The following FAM193A variants were observed in gnomAD, a reference collection of about 807,000 sequenced individuals.
FAM193A encodes the protein protein FAM193A.
FAM193A carries 22 observed loss-of-function variants against 126.5 expected under a neutral mutation model. The ratio of observed to expected loss-of-function variants is 0.17; its 90% CI spans 0.12 to 0.25. FAM193A has a LOEUF of 0.25. Ranked by LOEUF, FAM193A falls within the 10% of genes least tolerant of loss-of-function variation. The pLI is 1.00. For missense variants in FAM193A, 1,675 were observed against 1,672.8 expected (o/e 1.00, Z -0.02); for synonymous variants, 761 against 646.8 (o/e 1.18, Z -2.68).
chr4:2,623,898 T>C (rs3762834), intron 2 of FAM193A, among the ~76,000 whole-genome samples: 121,942 of 152,050 alleles, frequency 0.8, 49,022 homozygotes, highest in Admixed American at 0.87. Flanking sequence ...GTCAGGGGGA[T>C]GCAATGATTA....
chr4:2,569,262 C>T (rs1487838203), intron 1 of FAM193A, among the ~76,000 whole-genome samples: 1 of 152,120 alleles, frequency 6.6e-6, no homozygotes, highest in East Asian at 1.9e-4. Context: ...CCACTGCGCC[C>T]GGTCCAGATT....
intron 7 of FAM193A, among the ~76,000 whole-genome samples, chr4:2,655,447 C>CTGTG (rs374208792): frequency 8.7e-5 from 13 of 148,950 alleles, no homozygotes; most frequent in South Asian, 8.5e-4. Flanking sequence ...GCGTGTGCGC[C>CTGTG]TGTGTGTGTG....
At chr4:2,690,637 T>A (rs776752478) in intron 14 of FAM193A, 61 bp from the exon 15 acceptor site, 9 of 1,487,908 alleles carry the variant, frequency 6.0e-6, no homozygotes, top group Non-Finnish European at 8.2e-6. Flanking sequence ...AGCATGTCTT[T>A]TAGGGTTTAG....
chr4:2,649,792 C>A (rs889831860), intron 7 of FAM193A, among the ~76,000 whole-genome samples: 5 of 152,220 alleles, frequency 3.3e-5, no homozygotes, highest in Non-Finnish European at 5.9e-5. Context: ...GGGTCACAGA[C>A]CAGTACTAGT....
intron 1 of FAM193A, among the ~76,000 whole-genome samples, chr4:2,569,439 G>C (rs1266300078): frequency 6.6e-6 from 1 of 152,116 alleles, no homozygotes; most frequent in Non-Finnish European, 1.5e-5. Context: ...TTATTTTATT[G>C]TCATATTTAA....
chr4:2,676,277 A>G (rs71608223), intron 13 of FAM193A, among the ~76,000 whole-genome samples: 5,591 of 152,288 alleles, frequency 0.037, 123 homozygotes, highest in South Asian at 0.072. Context: ...CATCCTCATT[A>G]ACACTTGTTA....
chr4:2,646,159 C>CTTTTTT (rs568447182), intron 6 of FAM193A, among the ~76,000 whole-genome samples: 4 of 69,120 alleles, frequency 5.8e-5, no homozygotes, highest in East Asian at 4.5e-4. Flanking sequence ...TGAGCATCTC[C>CTTTTTT]TTTTTTTTTT....
intron 20 of FAM193A, 64 bp downstream of exon 20, chr4:2,716,168 C>T (rs1719509756): frequency 9.1e-7 from 1 of 1,102,632 alleles, no homozygotes; most frequent in Non-Finnish European, 1.4e-6. Context: ...GTTTGGTTTT[C>T]TGTCTTTCCA....
intron 19 of FAM193A, among the ~76,000 whole-genome samples, chr4:2,703,637 A>T (rs1003939749): frequency 6.6e-6 from 1 of 151,984 alleles, no homozygotes; most frequent in Non-Finnish European, 1.5e-5. Flanking sequence ...GTTTCCTTGG[A>T]GCACTTTCCC....
At chr4:2,541,106 A>G (rs971995902) in intron 1 of FAM193A, among the ~76,000 whole-genome samples, 12 of 152,052 alleles carry the variant, frequency 7.9e-5, no homozygotes, top group Non-Finnish European at 1.5e-4. Flanking sequence ...CCCTGTCTCT[A>G]CTAAAAATAC....
chr4:2,555,140 A>T (rs1407474552), intron 1 of FAM193A, among the ~76,000 whole-genome samples: 1 of 152,114 alleles, frequency 6.6e-6, no homozygotes, highest in African/African-American at 2.4e-5. Context: ...TTTGCATTGT[A>T]TTTGATAAAG....
Position 2,700,045 on chromosome 4 carries a change from G to A in FAM193A, c.3873G>A (p.Gly1291=), listed in dbSNP as rs1407445102. The change falls in exon 19 of 21, where the codon GGG becomes GGA. Residue 1291 remains glycine (G), a synonymous_variant. Coordinates refer to ENST00000637812, the MANE Select transcript of FAM193A (RefSeq NM_001366318.2). ...MNHSEPRPGL[G]ADGDAADPVD... ...ACTCAGAGCCCAGGCCAGGGCTAGG[G>A]GCTGATGGGGATGCTGCAGACCCCG... 2 of 1,613,844 alleles carry A rather than the reference G, an allele frequency of 1.2e-6. No individual in the cohort carries two copies. Among genetic ancestry groups the A allele is most frequent in the East Asian group, 4.5e-5 (2 of 44,880 alleles).
In FAM193A at chr4:2,558,684, C is replaced by T. The variant is rs374724734; in HGVS notation, c.255+21514C>T. ...GGATCACAGGCGGGAGCCACTGTAC[C>T]TAGCTGTTTCTGTCTTTAAAAGCAC... On this transcript the variant is annotated intron_variant, in intron 1 of 20. Transcript: ENST00000637812. Among the ~76,000 whole-genome samples, 11 of 152,250 alleles carry T rather than the reference C, an allele frequency of 7.2e-5. No homozygotes were observed. In the East Asian group the frequency reaches 2.1e-3, roughly 29 times the overall value.
chr4:2,547,250 C>A (rs573300569), intron 1 of FAM193A, among the ~76,000 whole-genome samples: 3 of 151,942 alleles, frequency 2.0e-5, no homozygotes, highest in East Asian at 1.9e-4. Flanking sequence ...TAGCTGGTTG[C>A]GGTGGCACAC....
chr4:2,556,138 C>T (rs947488843), intron 1 of FAM193A, among the ~76,000 whole-genome samples: 3 of 151,906 alleles, frequency 2.0e-5, no homozygotes, highest in Non-Finnish European at 2.9e-5. Flanking sequence ...TCAGGTGATC[C>T]GTCCGCCTTG....
intron 2 of FAM193A, among the ~76,000 whole-genome samples, chr4:2,600,689 C>G (rs992721517): frequency 6.6e-6 from 1 of 151,992 alleles, no homozygotes; most frequent in Non-Finnish European, 1.5e-5. Context: ...CCTCTCTTTC[C>G]TCTCCAAGGC....
intron 19 of FAM193A, among the ~76,000 whole-genome samples, chr4:2,704,913 A>ATTTTGTTTTTGT (rs112137447): frequency 0.03 from 4,540 of 151,920 alleles, 242 homozygotes; most frequent in African/African-American, 0.1. Context: ...GTATTTAAGA[A>ATTTTGTTTTTGT]TTTTGTTTTT....
In FAM193A at chr4:2,577,183, C is replaced by T. The variant is rs572956601; in HGVS notation, c.256-18901C>T. ...TTTTTTCTTTTTTGAGACGAAGCCT[C>T]GCTCTGTCACCCAGGTGACATATCA... is the stretch of plus-strand genomic sequence containing the variant. On this transcript the variant is annotated intron_variant, in intron 1 of 20. Transcript: ENST00000637812. Among the ~76,000 whole-genome samples the T allele has an allele frequency of 5.3e-3, 809 of 151,420 alleles. 7 individuals carry two copies. The highest frequency in any genetic ancestry group is 0.018 in the African/African-American group (741 of 41,242).
intron 6 of FAM193A, 102 bp from the exon 7 acceptor site, chr4:2,646,583 C>T (rs560316410): frequency 1.2e-4 from 149 of 1,259,294 alleles, no homozygotes; most frequent in Non-Finnish European, 1.4e-4. Context: ...CGTTGGGAGG[C>T]GAGATGACAA....
Sources: gnomAD v4.1 joint callset for allele counts (sites outside exome capture counted in the v4.1 genomes callset) on GRCh38, gnomAD v4.1.1 for gene constraint, MANE v1.5 for transcripts, NCBI Gene and HGNC (gene_info 2026-07-23, HGNC 2026-07-21) for gene names.